The following NSD2 variants were observed in gnomAD, a reference collection of about 807,000 sequenced individuals.
NSD2 encodes nuclear receptor binding SET domain protein 2.
A neutral mutation model predicts 139.0 loss-of-function variants in NSD2; 12 were observed. The ratio of observed to expected loss-of-function variants is 0.09; its 90% CI spans 0.06 to 0.14. The LOEUF is 0.14. NSD2 is among the 10% of genes least tolerant of loss of function. The probability of loss-of-function intolerance (pLI) is 1.00; values close to 1 mark genes in which losing one functional copy is unlikely to be tolerated. For missense variants in NSD2, 1,155 were observed against 1,745.0 expected (o/e 0.66, Z 6.02); for synonymous variants, 669 against 648.7 (o/e 1.03, Z -0.48).
At chr4:1,939,587 AT>A in intron 8 of NSD2, 66 bp from the exon 9 acceptor site, 1 of 1,505,462 alleles carries the variant, frequency 6.6e-7, no homozygotes, top group Non-Finnish European at 9.2e-7. Flanking sequence ...TTGAGGGGTA[AT>A]TTTTAAGCAG....
At chr4:1,941,860 T>G in intron 9 of NSD2, 1 of 1,059,306 alleles carries the variant, frequency 9.4e-7, no homozygotes. Flanking sequence ...TAAATGTTTG[T>G]GATGTTTCCA....
chr4:1,942,088 A>G lies in NSD2; in HGVS notation c.1881+2310A>G. 2 of 1,204,546 alleles carry G rather than the reference A, an allele frequency of 1.7e-6. No individual in the cohort carries two copies. The highest frequency in any genetic ancestry group is 7.3e-5 in the East Asian group (2 of 27,232). The allele number at this position is 1,204,546 out of a possible 1,614,324, so 74.6% of individuals were successfully genotyped here. A position where few individuals can be genotyped will look rare whatever the true frequency, so the allele number is the denominator to read the frequency against. ...AATAAGGTACTTTTATAGGGTTGGTATTTCAGAACACTTTAGGTCATGTTG... is the reference window on the plus strand; with the variant it reads ...AATAAGGTACTTTTATAGGGTTGGTGTTTCAGAACACTTTAGGTCATGTTG... On this transcript the variant is annotated intron_variant, in intron 9 of 21. Coordinates refer to ENST00000508803, the MANE Select transcript of NSD2 (RefSeq NM_001042424.3). The surrounding 1 kb of genome is among the most constrained non-coding windows in gnomAD (Gnocchi z 4.0).
chr4:1,940,256 C>G, intron 9 of NSD2: 1 of 1,075,974 alleles, frequency 9.3e-7, no homozygotes, highest in Non-Finnish European at 1.1e-6. Context: ...TTTCTTTGTT[C>G]TCATGCATTT....
At position 1,935,382 on chromosome 4, in the gene NSD2, C is replaced by T. The variant is rs536844224; in HGVS notation, c.1674+120C>T. The T allele has an allele frequency of 8.3e-6, 6 of 718,728 alleles. No homozygotes were observed. The Admixed American group carries it at 1.4e-4, about 17-fold the overall frequency. The allele number at this position is 718,728 out of a possible 1,614,324, so 44.5% of individuals were successfully genotyped here. A position where few individuals can be genotyped will look rare whatever the true frequency, so the allele number is the denominator to read the frequency against. On this transcript the variant is annotated intron_variant, in intron 7 of 21. Transcript: ENST00000508803. ...AGGTGTCAGTGCACCCAGCTCCTTCCAGGCTGGTATTCAGCAGAAGGCTTG... is the reference window on the plus strand; with the variant it reads ...AGGTGTCAGTGCACCCAGCTCCTTCTAGGCTGGTATTCAGCAGAAGGCTTG...
chr4:1,963,837 C>T (rs905936386), intron 18 of NSD2, among the ~76,000 whole-genome samples: 11 of 152,112 alleles, frequency 7.2e-5, no homozygotes, highest in African/African-American at 2.7e-4. Context: ...AACACAGACC[C>T]TCATCTCTAC....
intron 1 of NSD2, among the ~76,000 whole-genome samples, chr4:1,876,701 T>G (rs547574640): frequency 1.3e-5 from 2 of 151,846 alleles, no homozygotes; most frequent in South Asian, 4.2e-4. Flanking sequence ...AAAACAAACC[T>G]AAACACAAAA....
chr4:1,936,132 G>A (rs947875654), intron 7 of NSD2, among the ~76,000 whole-genome samples: 2 of 152,196 alleles, frequency 1.3e-5, no homozygotes, highest in Non-Finnish European at 2.9e-5. Flanking sequence ...TGTGCTCCTC[G>A]CTTACTGCCA....
chr4:1,954,308 ATG>A (rs1369662006), intron 12 of NSD2, among the ~76,000 whole-genome samples: 1 of 151,140 alleles, frequency 6.6e-6, no homozygotes, highest in African/African-American at 2.4e-5. Context: ...TTTTGTAGAG[ATG>A]AGGTTTCACC....
Position 1,979,075 on chromosome 4 carries a change from C to T in NSD2, c.*166C>T. 4.8e-6 allele frequency: 4 copies of T among 839,524 alleles called. No individual in the cohort carries two copies. The highest frequency in any genetic ancestry group is 4.9e-5 in the South Asian group (2 of 40,644). 52.0% of individuals were successfully genotyped at this position (839,524 alleles called of 1,614,324 possible). ...CGCCTCCCCACCACTGAGCCATCCTCAGCAGCGTCCGCTGCGTCTGCACTG... is the reference window on the plus strand; with the variant it reads ...CGCCTCCCCACCACTGAGCCATCCTTAGCAGCGTCCGCTGCGTCTGCACTG... On this transcript the variant is annotated 3_prime_UTR_variant, in exon 22 of 22. Transcript: ENST00000508803.
At chr4:1,886,109 G>A (rs563100437) in intron 1 of NSD2, among the ~76,000 whole-genome samples, 6 of 152,248 alleles carry the variant, frequency 3.9e-5, no homozygotes, top group South Asian at 4.1e-4. Flanking sequence ...CATTGAAGAC[G>A]TATGCTTTGT....
chr4:1,938,584 C>A, intron 8 of NSD2, 52 bp downstream of exon 8: 1 of 511,660 alleles, frequency 2.0e-6, no homozygotes. Context: ...CCAGGCTGGG[C>A]TGGGTGGGTG....
chr4:1,963,773 G>A (rs1309149071), intron 18 of NSD2, among the ~76,000 whole-genome samples: 1 of 152,214 alleles, frequency 6.6e-6, no homozygotes, highest in African/African-American at 2.4e-5. Flanking sequence ...CAGCACTTTG[G>A]AAGGCCGAGT....
In NSD2 at chr4:1,958,097, G is replaced by A; in HGVS notation, c.2985+61G>A. On this transcript the variant is annotated intron_variant, in intron 16 of 21. Coordinates refer to ENST00000508803, the MANE Select transcript of NSD2 (RefSeq NM_001042424.3). This position sits in a 1 kb window ranked among gnomAD's most constrained non-coding sequence, Gnocchi z 4.6. ...GAGTCTTCCCCGAGGGCCGTGAGAG[G>A]TTCTTAGGCACACCCAGGCTATGGC... The A allele has an allele frequency of 6.5e-7, 1 of 1,539,766 alleles. No homozygotes were observed. The highest frequency in any genetic ancestry group is 8.9e-7 in the Non-Finnish European group (1 of 1,121,134).
chr4:1,922,640 A>G (rs1398459293), intron 5 of NSD2, among the ~76,000 whole-genome samples: 2 of 152,198 alleles, frequency 1.3e-5, no homozygotes, highest in East Asian at 3.9e-4. Context: ...AAATAGCAGT[A>G]TTTGGCCAGG....
Position 1,901,092 on chromosome 4 carries a change from C to T in NSD2, c.438C>T (p.Asp146=). 6.2e-7 allele frequency: 1 copy of T among 1,614,148 alleles called. No individual in the cohort carries two copies. The highest frequency in any genetic ancestry group is 8.5e-7 in the Non-Finnish European group (1 of 1,180,036). Residue 146 remains aspartate (D), a synonymous_variant, in exon 2 of 22, where the codon GAC becomes GAT. Transcript: ENST00000508803. The part of the protein sequence containing the change: ...KPLFESSICG[D]SAADVSQSEE... Reference sequence around the variant, plus strand: ...TCTTTGAATCTTCCATTTGTGGTGACAGTGCTGCTGATGTGTCTCAGTCAG... The same window carrying T: ...TCTTTGAATCTTCCATTTGTGGTGATAGTGCTGCTGATGTGTCTCAGTCAG...
intron 1 of NSD2, among the ~76,000 whole-genome samples, chr4:1,896,676 C>CCGTCCCTTCCTT (rs1007717642): frequency 7.1e-6 from 1 of 141,768 alleles, no homozygotes; most frequent in African/African-American, 3.1e-5. Flanking sequence ...CTCCCTCCCT[C>CCGTCCCTTCCTT]CCTCCCTTCC....
chr4:1,879,196 A>C (rs1352386699), intron 1 of NSD2, among the ~76,000 whole-genome samples: 1 of 152,072 alleles, frequency 6.6e-6, no homozygotes, highest in African/African-American at 2.4e-5. Flanking sequence ...TATATACAAC[A>C]CTTTTTAAAA....
intron 9 of NSD2, among the ~76,000 whole-genome samples, chr4:1,950,587 C>CGGCG (rs1724109650): frequency 6.6e-6 from 1 of 152,224 alleles, no homozygotes; most frequent in Non-Finnish European, 1.5e-5. Flanking sequence ...GTCTCCACCC[C>CGGCG]GGCGGCAGCT....
intron 1 of NSD2, among the ~76,000 whole-genome samples, chr4:1,894,146 G>A (rs1408080626): frequency 6.6e-6 from 1 of 151,268 alleles, no homozygotes; most frequent in Non-Finnish European, 1.5e-5. Context: ...TTGTAGAGAC[G>A]GCGTCTTACT....
Sources: allele counts gnomAD v4.1 joint callset (sites outside exome capture counted in the v4.1 genomes callset), GRCh38; gene constraint gnomAD v4.1.1; non-coding constraint Gnocchi (gnomAD v3.1); transcripts MANE v1.5; gene names NCBI Gene and HGNC (gene_info 2026-07-23, HGNC 2026-07-21).